Variants in DEPDC5 observed in about 807,000 individuals in gnomAD.
DEPDC5 encodes DEP domain containing 5, GATOR1 subcomplex subunit.
In DEPDC5, 73 loss-of-function variants were observed where a neutral mutation model predicts 217.3. The ratio of observed to expected loss-of-function variants is 0.34; its 90% CI spans 0.28 to 0.41. DEPDC5 has a LOEUF of 0.41. Ranked by LOEUF, DEPDC5 falls within the 10% of genes least tolerant of loss-of-function variation. The pLI, the probability that DEPDC5 is intolerant of heterozygous loss-of-function variation, is 1.00. For synonymous variants in DEPDC5, 733 were observed against 756.7 expected (o/e 0.97, Z 0.51); for missense variants, 1,675 against 2,070.1 (o/e 0.81, Z 3.70).
rs201014932 is a variant in DEPDC5, at chr22:31,802,847, C to T, written c.1081+9C>T. The stretch of plus-strand genomic sequence containing the variant: ...GCGGATGATAGATAATGGTAATGCT[C>T]TCTGGTTTGTGCCCTGTCTCCACAT... On this transcript the variant is annotated intron_variant, in intron 15 of 42. Transcript: ENST00000651528. 4.4e-6 allele frequency: 7 copies of T among 1,589,200 alleles called. No individual in the cohort carries two copies. The East Asian group carries it at 1.4e-4, about 31-fold the overall frequency.
intron 10 of DEPDC5, among the ~76,000 whole-genome samples, chr22:31,787,221 T>TA (rs1410173550): frequency 1.3e-5 from 2 of 152,070 alleles, no homozygotes; most frequent in African/African-American, 2.4e-5. Flanking sequence ...TAGCTGAGAC[T>TA]ACAGGCATTT....
At chr22:31,785,587 C>CTT (rs138287) in intron 10 of DEPDC5, among the ~76,000 whole-genome samples, 10 of 144,572 alleles carry the variant, frequency 6.9e-5, no homozygotes, top group Non-Finnish European at 1.2e-4. Flanking sequence ...ATACCAGTGC[C>CTT]TTTTTTTTTT....
chr22:31,877,436 CAAAAAAAAAAA>C (rs71184527), intron 37 of DEPDC5, among the ~76,000 whole-genome samples: 153 of 20,998 alleles, frequency 7.3e-3, no homozygotes, highest in East Asian at 0.014. Flanking sequence ...GACTCCATCT[CAAAAAAAAAAA>C]AAAAAAAAAA....
chr22:31,825,657 A>G (rs904012691), intron 24 of DEPDC5, among the ~76,000 whole-genome samples: 1 of 152,130 alleles, frequency 6.6e-6, no homozygotes, highest in Non-Finnish European at 1.5e-5. Flanking sequence ...TGTGGCCAGG[A>G]TTATTGCAGT....
At chr22:31,873,061 G>A in intron 34 of DEPDC5, 194 bp from the exon 35 acceptor site, 2 of 1,118,998 alleles carry the variant, frequency 1.8e-6, no homozygotes, top group South Asian at 1.6e-5. Context: ...GGCCCTAAAT[G>A]TGTATATTTT....
At chr22:31,827,141 T>C (rs1208347864) in intron 24 of DEPDC5, among the ~76,000 whole-genome samples, 1 of 152,040 alleles carries the variant, frequency 6.6e-6, no homozygotes, top group African/African-American at 2.4e-5. Context: ...CAGGGTGATA[T>C]TGTTAAGTGG....
In DEPDC5 at chr22:31,833,990, G is replaced by A; in HGVS notation, c.2170+10G>A. 6.2e-7 allele frequency: 1 copy of A among 1,613,492 alleles called. No individual in the cohort carries two copies. The highest frequency in any genetic ancestry group is 1.1e-5 in the South Asian group (1 of 91,066). On this transcript the variant is annotated intron_variant, in intron 25 of 42. Coordinates refer to ENST00000651528, the MANE Select transcript of DEPDC5 (RefSeq NM_001242896.3). The stretch of plus-strand genomic sequence containing the variant: ...ACCTCTCCAGACCCAAGTAAGAGGG[G>A]GCAGCTGACTGGGGAAAGGGGTAGA...
chr22:31,847,360 A>G (rs574742299), intron 31 of DEPDC5, among the ~76,000 whole-genome samples: 56 of 142,996 alleles, frequency 3.9e-4, no homozygotes, highest in Non-Finnish European at 6.6e-4. Flanking sequence ...TTTACTGGGG[A>G]AAAAAAAAAA....
chr22:31,811,456 G>A (rs770240233), intron 20 of DEPDC5, among the ~76,000 whole-genome samples: 4 of 152,118 alleles, frequency 2.6e-5, no homozygotes, highest in Non-Finnish European at 4.4e-5. Context: ...CTTGGACACA[G>A]CGTTTAAGTT....
intron 8 of DEPDC5, among the ~76,000 whole-genome samples, chr22:31,783,088 G>A (rs574745326): frequency 8.2e-4 from 124 of 152,082 alleles, no homozygotes; most frequent in African/African-American, 2.7e-3. Context: ...ACCAATCAGC[G>A]CTCTGTGTCT....
At chr22:31,878,887 A>G (rs1217964073) in intron 37 of DEPDC5, among the ~76,000 whole-genome samples, 1 of 151,684 alleles carries the variant, frequency 6.6e-6, no homozygotes, top group African/African-American at 2.4e-5. Context: ...AAATACAAAA[A>G]TTAGCCGGGC....
chr22:31,791,965 A>G (rs942956257), intron 10 of DEPDC5, 68 bp from the exon 11 acceptor site: 17 of 737,826 alleles, frequency 2.3e-5, no homozygotes, highest in Middle Eastern at 5.1e-4. Flanking sequence ...TATTATATGC[A>G]TGCAGTCTGC....
chr22:31,906,396 C>T lies in DEPDC5; in HGVS notation c.4711C>T (p.Arg1571Trp), dbSNP rs778708641. The change falls in exon 43 of 43, where the codon CGG becomes TGG. Residue 1571 changes from arginine (R) to tryptophan (W), a missense_variant. Around this residue, in one of 11 missense-constraint regions of DEPDC5, gnomAD observed 49 missense variants for 74.7 expected, o/e 0.66. Transcript: ENST00000651528. This position sits in a 1 kb window ranked among gnomAD's most constrained non-coding sequence, Gnocchi z 5.1. The stretch of plus-strand genomic sequence containing the variant: ...CACAGGGGATGAAAAGTTTGCTGAT[C>T]GGCTGCTGAAGGACTTCACGGACTT... ...SATGDEKFAD[R>W]LLKDFTDFCI... 8.7e-6 allele frequency: 14 copies of T among 1,613,980 alleles called. No individual in the cohort carries two copies. The highest frequency in any genetic ancestry group is 1.2e-5 in the Non-Finnish European group (14 of 1,180,012).
chr22:31,834,665 C>T (rs903052731), intron 25 of DEPDC5, among the ~76,000 whole-genome samples: 8 of 151,878 alleles, frequency 5.3e-5, no homozygotes, highest in East Asian at 3.9e-4. Flanking sequence ...TATAGGCGCG[C>T]GCCACCACGC....
intron 30 of DEPDC5, among the ~76,000 whole-genome samples, chr22:31,845,584 T>G (rs1165825197): frequency 2.0e-5 from 3 of 152,150 alleles, no homozygotes; most frequent in African/African-American, 4.8e-5. Flanking sequence ...ACAGCAGCAG[T>G]CCTTCCTCAC....
Position 31,906,501 on chromosome 22 carries a change from C to CGGGCTGCACCAGGGTTAGA in DEPDC5, c.*4_*5insGGGCTGCACCAGGGTTAGA. 6.2e-7 allele frequency: 1 copy of CGGGCTGCACCAGGGTTAGA among 1,612,730 alleles called. No individual in the cohort carries two copies. ...GATGCATGCCAGTGCCCCGTGAGGC[C>CGGGCTGCACCAGGGTTAGA]AGGCTGCACCTGTGCTGGGGGAAGG... On this transcript the variant is annotated 3_prime_UTR_variant, in exon 43 of 43. Coordinates refer to ENST00000651528, the MANE Select transcript of DEPDC5 (RefSeq NM_001242896.3). This position sits in a 1 kb window ranked among gnomAD's most constrained non-coding sequence, Gnocchi z 5.1.
chr22:31,805,543 C>T (rs1359628820), intron 17 of DEPDC5, among the ~76,000 whole-genome samples: 1 of 151,678 alleles, frequency 6.6e-6, no homozygotes, highest in Non-Finnish European at 1.5e-5. Context: ...CTCTGTCACC[C>T]AGGCTGGAGT....
chr22:31,823,835 T>C (rs2089927730), intron 24 of DEPDC5, among the ~76,000 whole-genome samples: 1 of 152,204 alleles, frequency 6.6e-6, no homozygotes, highest in Non-Finnish European at 1.5e-5. Flanking sequence ...CCAGGTATCC[T>C]GACTCAGGCT....
rs774481170 is a variant in DEPDC5, at chr22:31,814,958, G to A, written c.1446-34G>A. The A allele has an allele frequency of 2.4e-5, 38 of 1,611,152 alleles. No homozygotes were observed. In the East Asian group the frequency reaches 4.2e-4, roughly 18 times the overall value. On this transcript the variant is annotated intron_variant, in intron 20 of 42. Coordinates refer to ENST00000651528, the MANE Select transcript of DEPDC5 (RefSeq NM_001242896.3). ...AACTCAAGGTAGGACAGCATCCCTC[G>A]CTTGATGGTAACTTTTTGTCTCTTG... is the stretch of plus-strand genomic sequence containing the variant.
Sources: allele counts gnomAD v4.1 joint callset (sites outside exome capture counted in the v4.1 genomes callset), GRCh38; gene constraint gnomAD v4.1.1; regional missense constraint gnomAD v4.1.1; non-coding constraint Gnocchi (gnomAD v3.1); transcripts MANE v1.5; gene names NCBI Gene and HGNC (gene_info 2026-07-23, HGNC 2026-07-21).